Variants in ZBTB1 observed in about 807,000 individuals in gnomAD.
ZBTB1 encodes the protein zinc finger and BTB domain containing 1.
Under a neutral mutation model 51.6 loss-of-function variants are expected in ZBTB1, and 13 were observed. The observed-to-expected ratio is 0.25, with a 90% CI of 0.16 to 0.40. ZBTB1 has a LOEUF of 0.40. Ranked by LOEUF, ZBTB1 falls within the 10% of genes least tolerant of loss-of-function variation. The pLI is 1.00. For synonymous variants in ZBTB1, 240 were observed against 282.2 expected, an observed-to-expected ratio of 0.85 and a Z score of 1.50; for missense variants, 567 against 856.5, an observed-to-expected ratio of 0.66 and a Z score of 4.22.
upstream of ZBTB1, chr14:64,504,702 T>G (rs1007562578): frequency 5.4e-6 from 2 of 367,354 alleles, no homozygotes; most frequent in Non-Finnish European, 9.7e-6. Flanking sequence ...AGACCCGGAG[T>G]CGCCGCGTAA....
At chr14:64,511,283 C>T (rs909703275) in intron 1 of ZBTB1, 3 of 152,192 alleles carry the variant, frequency 2.0e-5, no homozygotes, top group Non-Finnish European at 1.5e-5. Context: ...TGTGCTGTCT[C>T]GTTAGGATGA....
In ZBTB1 at chr14:64,524,530, A is replaced by C. The variant is rs1389256033; in HGVS notation, c.*884A>C. The stretch of plus-strand genomic sequence containing the variant: ...AATAGACTTTAATAGCTCTCTAAGA[A>C]TATGACCTCTAAAGGAAAAGATGAT... On this transcript the variant is annotated 3_prime_UTR_variant, in exon 2 of 2. Coordinates refer to ENST00000683701, the MANE Select transcript of ZBTB1 (RefSeq NM_001123329.2). 1 of 979,712 alleles carries C rather than the reference A, an allele frequency of 1.0e-6. No individual in the cohort carries two copies. Among genetic ancestry groups the C allele is most frequent in the African/African-American group, 1.8e-5 (1 of 57,098 alleles). 60.7% of individuals were successfully genotyped at this position (979,712 alleles called of 1,614,324 possible). A position where few individuals can be genotyped will look rare whatever the true frequency, so the allele number is the denominator to read the frequency against.
chr14:64,506,610 T>C (rs1428641753), intron 1 of ZBTB1, among the ~76,000 whole-genome samples: 1 of 152,240 alleles, frequency 6.6e-6, no homozygotes, highest in Non-Finnish European at 1.5e-5. Flanking sequence ...CAAAGGTTAA[T>C]AAACATAACG....
At chr14:64,527,300 C>T (rs2079910686), downstream of ZBTB1, among the ~76,000 whole-genome samples, 1 of 151,820 alleles carries the variant, frequency 6.6e-6, no homozygotes, top group Non-Finnish European at 1.5e-5. Context: ...CATGGCAAAA[C>T]CCCACCTCTA....
At chr14:64,517,781 A>ATATATATATATT (rs1160337478) in intron 1 of ZBTB1, among the ~76,000 whole-genome samples, 1 of 41,560 alleles carries the variant, frequency 2.4e-5, no homozygotes, top group African/African-American at 8.9e-5. Context: ...ATATATATAT[A>ATATATATATATT]TTTTTTTTTT....
At position 64,521,549 on chromosome 14, in the gene ZBTB1, C is replaced by G. The variant is rs764798420; in HGVS notation, c.45C>G (p.Asn15Lys). ...SHSSYVLQQL[N>K]NQREWGFLCD... The stretch of plus-strand genomic sequence containing the variant: ...GCAGCTATGTCCTTCAGCAGCTAAA[C>G]AACCAAAGAGAATGGGGTTTTCTCT... Residue 15 changes from asparagine (N) to lysine (K), a missense_variant, in exon 2 of 2, where the codon AAC (asparagine) becomes AAG (lysine). Transcript: ENST00000683701. 6.2e-7 allele frequency: 1 copy of G among 1,613,892 alleles called. No homozygotes were observed. Among genetic ancestry groups the G allele is most frequent in the South Asian group, 1.1e-5 (1 of 91,020 alleles).
In ZBTB1 at chr14:64,522,124, G is replaced by A. The variant is rs1373157156; in HGVS notation, c.620G>A (p.Arg207His). The A allele has an allele frequency of 5.6e-6, 9 of 1,614,074 alleles. No homozygotes were observed. The highest frequency in any genetic ancestry group is 1.3e-5 in the African/African-American group (1 of 74,940). ...SVSKLSTPKERVSRRFGRSFT... is the reference protein window; with the variant it reads ...SVSKLSTPKEHVSRRFGRSFT... ...TCCAAATTATCTACTCCAAAAGAAC[G>A]TGTGTCAAGACGCTTTGGGCGGAGT... Residue 207 changes from arginine to histidine, a missense_variant, in exon 2 of 2, where the codon CGT becomes CAT. Physicochemically the swap from Arg to His is conservative, Grantham distance 29. Transcript: ENST00000683701.
At chr14:64,532,956 T>G (rs2079953723) in exon 3 of ZBTB1, 2 of 152,100 alleles carry the variant, frequency 1.3e-5, no homozygotes, top group Non-Finnish European at 2.9e-5. Context: ...TGTACCCAAT[T>G]CCTTATGATT....
In ZBTB1 at chr14:64,522,486, A is replaced by C; in HGVS notation, c.982A>C (p.Lys328Gln). 6.2e-7 allele frequency: 1 copy of C among 1,614,162 alleles called. No homozygotes were observed. Among genetic ancestry groups the C allele is most frequent in the Non-Finnish European group, 8.5e-7 (1 of 1,180,038 alleles). ...RAAERKRIII[K>Q]MEPEDIPTDE... is the part of the protein sequence containing the mutation. ...TGCTGAGAGGAAAAGGATTATTATT[A>C]AGATGGAGCCAGAAGATATTCCTAC... The change falls in exon 2 of 2, where the codon AAG becomes CAG. Residue 328 changes from lysine (K) to glutamine (Q), a missense_variant. By Grantham distance (53) the Lys-to-Gln change is moderately conservative (BLOSUM62 1). Around this residue, in one of 5 missense-constraint regions of ZBTB1, gnomAD observed 329 missense variants for 406.3 expected, o/e 0.81. Transcript: ENST00000683701.
Position 64,521,518 on chromosome 14 carries a change from G to A in ZBTB1, c.14G>A (p.Ser5Asn). ...AATTAACAGAAGATGGCAAAGCCCA[G>A]CCACAGCAGCTATGTCCTTCAGCAG... MAKPSHSSYVLQQLN... is the reference protein window; with the variant it reads MAKPNHSSYVLQQLN... The change falls in exon 2 of 2, where the codon AGC becomes AAC. Residue 5 changes from serine (S) to asparagine (N), a missense_variant. Ser to Asn is a conservative substitution (Grantham distance 46). This residue lies in a region of ZBTB1 where 69 missense variants were observed against 136.4 expected (regional missense o/e 0.51). Coordinates refer to ENST00000683701, the MANE Select transcript of ZBTB1 (RefSeq NM_001123329.2). 6.2e-7 allele frequency: 1 copy of A among 1,604,920 alleles called. No individual in the cohort carries two copies. Among genetic ancestry groups the A allele is most frequent in the Non-Finnish European group, 8.5e-7 (1 of 1,175,702 alleles).
downstream of ZBTB1, among the ~76,000 whole-genome samples, chr14:64,527,178 A>G (rs770109667): frequency 4.6e-5 from 7 of 152,188 alleles, no homozygotes; most frequent in East Asian, 7.7e-4. Flanking sequence ...AAAGTTTGCT[A>G]GAGCAGTCAG....
intron 1 of ZBTB1, 47 bp downstream of exon 1, chr14:64,504,993 G>T (rs1011479351): frequency 5.1e-6 from 2 of 391,798 alleles, no homozygotes; most frequent in Admixed American, 8.9e-5. Context: ...TTTGGCCCAG[G>T]CCGGAGGGCG....
At position 64,523,882 on chromosome 14, in the gene ZBTB1, T is replaced by G; in HGVS notation, c.*236T>G. 2 of 1,194,248 alleles carry G rather than the reference T, an allele frequency of 1.7e-6. No homozygotes were observed. Among genetic ancestry groups the G allele is most frequent in the Non-Finnish European group, 2.1e-6 (2 of 951,700 alleles). The allele number at this position is 1,194,248 out of a possible 1,614,324, so 74.0% of individuals were successfully genotyped here. A position where few individuals can be genotyped will look rare whatever the true frequency, so the allele number is the denominator to read the frequency against. The stretch of plus-strand genomic sequence containing the variant: ...GTTTTTAGTTTTTCTTAGCTATGAT[T>G]AAAATTTTTAAATGTAGACTACAAG... On this transcript the variant is annotated 3_prime_UTR_variant, in exon 2 of 2. Transcript: ENST00000683701. This position sits in a 1 kb window ranked among gnomAD's most constrained non-coding sequence, Gnocchi z 4.5.
At chr14:64,512,337 A>G (rs1361154296) in intron 1 of ZBTB1, among the ~76,000 whole-genome samples, 3 of 152,200 alleles carry the variant, frequency 2.0e-5, no homozygotes, top group Non-Finnish European at 4.4e-5. Context: ...TTAAGTGTCA[A>G]CTATGTGGGA....
In ZBTB1 at chr14:64,521,666, GAACCAT is replaced by G. The variant is rs2079861259; in HGVS notation, c.163_168del (p.Asn55_His56del). ...GCTCCTATTTTAGAATGTTTTTCATGAACCATCAGCATAGTACTGCACAACTGAATC... is the reference window on the plus strand; with the variant it reads ...GCTCCTATTTTAGAATGTTTTTCATGCAGCATAGTACTGCACAACTGAATC... On this transcript the variant is annotated inframe_deletion, in exon 2 of 2. Transcript: ENST00000683701. The G allele has an allele frequency of 6.2e-7, 1 of 1,614,040 alleles. No individual in the cohort carries two copies. Among genetic ancestry groups the G allele is most frequent in the Admixed American group, 1.7e-5 (1 of 60,000 alleles).
At chr14:64,513,949 C>T (rs899144645) in intron 1 of ZBTB1, among the ~76,000 whole-genome samples, 17 of 152,168 alleles carry the variant, frequency 1.1e-4, no homozygotes, top group Admixed American at 9.2e-4. Flanking sequence ...TATGAGCCAC[C>T]GCACCGGCCT....
At chr14:64,517,995 G>A (rs10131155) in intron 1 of ZBTB1, among the ~76,000 whole-genome samples, 26,054 of 150,834 alleles carry the variant, frequency 0.17, 2,561 homozygotes, top group Non-Finnish European at 0.22. Context: ...CACCACGCCC[G>A]GCTAATTTTT....
At position 64,523,692 on chromosome 14, in the gene ZBTB1, C is replaced by T; in HGVS notation, c.*46C>T. 1.3e-6 allele frequency: 2 copies of T among 1,485,036 alleles called. No homozygotes were observed. The highest frequency in any genetic ancestry group is 1.8e-6 in the Non-Finnish European group (2 of 1,115,442). 92.0% of individuals were successfully genotyped at this position (1,485,036 alleles called of 1,614,324 possible). A position where few individuals can be genotyped will look rare whatever the true frequency, so the allele number is the denominator to read the frequency against. ...TGTTTAGATGATAGCAGATAAAACA[C>T]CAAAGCAAAGGATATGAGCTATTTA... On this transcript the variant is annotated 3_prime_UTR_variant, in exon 2 of 2. Transcript: ENST00000683701. This position sits in a 1 kb window ranked among gnomAD's most constrained non-coding sequence, Gnocchi z 4.5.
intron 1 of ZBTB1, among the ~76,000 whole-genome samples, chr14:64,513,122 A>G (rs1241602226): frequency 1.3e-5 from 2 of 152,202 alleles, no homozygotes; most frequent in East Asian, 3.9e-4. Flanking sequence ...ACATAAAATG[A>G]TACCTATATA....
Sources: allele counts gnomAD v4.1 joint callset (sites outside exome capture counted in the v4.1 genomes callset), GRCh38; gene constraint gnomAD v4.1.1; regional missense constraint gnomAD v4.1.1; non-coding constraint Gnocchi (gnomAD v3.1); transcripts MANE v1.5; gene names NCBI Gene and HGNC (gene_info 2026-07-23, HGNC 2026-07-21).